PPP3CA: variants seen among roughly 807,000 people sequenced by gnomAD.
PPP3CA encodes the protein CAM-PRP catalytic subunit.
In PPP3CA, 14 loss-of-function variants were observed where a neutral mutation model predicts 66.5. The observed-to-expected ratio is 0.21, with a 90% CI of 0.14 to 0.33. The LOEUF (loss-of-function observed/expected upper bound fraction) is 0.33, where lower values mean the gene tolerates loss of function less well. PPP3CA is among the 10% of genes least tolerant of loss of function. PPP3CA has a pLI of 1.00. For synonymous variants in PPP3CA, 232 were observed against 226.2 expected (o/e 1.03, Z -0.23); for missense variants, 317 against 639.5 (o/e 0.50, Z 5.44).
At chr4:101,033,102 T>C (rs979870884) in intron 11 of PPP3CA, among the ~76,000 whole-genome samples, 3 of 152,272 alleles carry the variant, frequency 2.0e-5, no homozygotes, top group African/African-American at 7.2e-5. Context: ...ATTAATCATT[T>C]TGAATTGTTA....
Position 101,285,151 on chromosome 4 carries a change from C to T in PPP3CA, c.58+61588G>A, listed in dbSNP as rs182877081. On this transcript the variant is annotated intron_variant, in intron 1 of 13. Transcript: ENST00000394854. ...CACCTCAATGCACTAAAATCTGTAA[C>T]GTCCACACAGCACCGAGATTTTACA... Among the ~76,000 whole-genome samples the T allele has an allele frequency of 3.1e-3, 473 of 152,152 alleles. 4 individuals are homozygous for T. Among genetic ancestry groups the T allele is most frequent in the African/African-American group, 0.011 (442 of 41,512 alleles).
chr4:101,137,261 A>AT (rs1722652414), intron 2 of PPP3CA, among the ~76,000 whole-genome samples: 2 of 152,162 alleles, frequency 1.3e-5, no homozygotes, highest in African/African-American at 4.8e-5. Flanking sequence ...AGATTGCTAA[A>AT]TTACTTTCCA....
rs1322279728 is a variant in PPP3CA, at chr4:101,346,678, G to A, written c.58+61C>T. On this transcript the variant is annotated intron_variant, in intron 1 of 13. Coordinates refer to ENST00000394854, the MANE Select transcript of PPP3CA (RefSeq NM_000944.5). Reference sequence around the variant, plus strand: ...GGGAGGGGAGGAAAGGCGAGGCGAGGCAAGCTGCCCTGGCGCCTGCGGCAC... The same window carrying A: ...GGGAGGGGAGGAAAGGCGAGGCGAGACAAGCTGCCCTGGCGCCTGCGGCAC... The A allele has an allele frequency of 9.5e-6, 14 of 1,467,758 alleles. No homozygotes were observed. The African/African-American group carries it at 1.7e-4, about 18-fold the overall frequency. 90.9% of individuals were successfully genotyped at this position (1,467,758 alleles called of 1,614,324 possible).
intron 2 of PPP3CA, among the ~76,000 whole-genome samples, chr4:101,167,040 A>C (rs1329099205): frequency 6.6e-6 from 1 of 152,216 alleles, no homozygotes. Context: ...ACAGGTGAGA[A>C]ATGATTTGCC....
chr4:101,111,057 C>T lies in PPP3CA; in HGVS notation c.260-1979G>A, dbSNP rs898211916. Among the ~76,000 whole-genome samples the T allele has an allele frequency of 1.2e-4, 19 of 152,244 alleles. 1 individual carries two copies. The highest frequency in any genetic ancestry group is 9.8e-4 in the Admixed American group (15 of 15,286). ...GGCAAGGATAAAGCTTATTAGCTAA[C>T]AAGTAATAATATAATTACTCTTCTA... is the stretch of plus-strand genomic sequence containing the variant. On this transcript the variant is annotated intron_variant, in intron 2 of 13. Transcript: ENST00000394854.
chr4:101,211,673 G>C (rs1162496383), intron 1 of PPP3CA, among the ~76,000 whole-genome samples: 1 of 152,088 alleles, frequency 6.6e-6, no homozygotes, highest in East Asian at 1.9e-4. Flanking sequence ...TGAACACTGA[G>C]CTTGGGTTCT....
At chr4:101,090,476 C>T (rs1312623553) in intron 6 of PPP3CA, among the ~76,000 whole-genome samples, 2 of 151,588 alleles carry the variant, frequency 1.3e-5, no homozygotes, top group Non-Finnish European at 1.5e-5. Context: ...AACCCCGTCT[C>T]TACTAAAAAT....
intron 10 of PPP3CA, among the ~76,000 whole-genome samples, chr4:101,051,679 A>T (rs954700199): frequency 6.6e-6 from 1 of 152,126 alleles, no homozygotes; most frequent in Admixed American, 6.6e-5. Flanking sequence ...ATGCCTTTCA[A>T]ATAAAGAATG....
chr4:101,324,050 T>G (rs1479730458), intron 1 of PPP3CA, among the ~76,000 whole-genome samples: 1 of 151,146 alleles, frequency 6.6e-6, no homozygotes, highest in Admixed American at 6.6e-5. Context: ...GAGGCAGAGG[T>G]TGCAGTGAGA....
rs890149349 is a variant in PPP3CA, at chr4:101,023,771, T to A, written c.*2094A>T. Reference sequence around the variant, plus strand: ...TGCTATATCGCTAATTGCCATATTCTTATTATTTAATATAACAGGCATACT... The same window carrying A: ...TGCTATATCGCTAATTGCCATATTCATATTATTTAATATAACAGGCATACT... On this transcript the variant is annotated 3_prime_UTR_variant, in exon 14 of 14. Transcript: ENST00000394854. 2 of 152,650 alleles carry A rather than the reference T, an allele frequency of 1.3e-5. No homozygotes were observed. Among genetic ancestry groups the A allele is most frequent in the African/African-American group, 4.8e-5 (2 of 41,458 alleles). The allele number at this position is 152,650 out of a possible 1,614,324, so 9.5% of individuals were successfully genotyped here. A position where few individuals can be genotyped will look rare whatever the true frequency, so the allele number is the denominator to read the frequency against.
At chr4:101,289,878 G>A (rs951357582) in intron 1 of PPP3CA, among the ~76,000 whole-genome samples, 10 of 136,652 alleles carry the variant, frequency 7.3e-5, no homozygotes, top group Non-Finnish European at 1.4e-4. Flanking sequence ...GTATGTGTGT[G>A]TGTGTGTGTG....
chr4:101,263,703 A>G (rs567132957), intron 1 of PPP3CA, among the ~76,000 whole-genome samples: 1 of 152,144 alleles, frequency 6.6e-6, no homozygotes, highest in African/African-American at 2.4e-5. Context: ...CACTAGAAGC[A>G]TCTCTCCAGA....
rs149286039 is a variant in PPP3CA, at chr4:101,298,710, T to C, written c.58+48029A>G. ...ACACAGTATATGTTAATTAACTTTATGTTATCCATCAGGCTTCCAGCCAAC... is the reference window on the plus strand; with the variant it reads ...ACACAGTATATGTTAATTAACTTTACGTTATCCATCAGGCTTCCAGCCAAC... On this transcript the variant is annotated intron_variant, in intron 1 of 13. Transcript: ENST00000394854. Among the ~76,000 whole-genome samples, 827 of 152,322 alleles carry C rather than the reference T, an allele frequency of 5.4e-3. 4 individuals carry two copies. Among genetic ancestry groups the C allele is most frequent in the Non-Finnish European group, 9.3e-3 (634 of 68,036 alleles).
intron 1 of PPP3CA, among the ~76,000 whole-genome samples, chr4:101,323,536 T>A (rs1195686955): frequency 6.6e-6 from 1 of 152,208 alleles, no homozygotes; most frequent in Non-Finnish European, 1.5e-5. Flanking sequence ...CTTCTATCCC[T>A]GCTCAAATCA....
chr4:101,105,457 C>T (rs1311658438), intron 3 of PPP3CA, among the ~76,000 whole-genome samples: 1 of 150,986 alleles, frequency 6.6e-6, no homozygotes, highest in Admixed American at 6.6e-5. Context: ...AGCCACCACA[C>T]CCAGCAACAT....
chr4:101,131,071 T>TA (rs1201239380), intron 2 of PPP3CA, among the ~76,000 whole-genome samples: 7 of 151,984 alleles, frequency 4.6e-5, no homozygotes, highest in Admixed American at 3.3e-4. Context: ...ACCCCGTCTC[T>TA]ACTAAGAACG....
chr4:101,084,922 G>A (rs1291758990), intron 6 of PPP3CA, among the ~76,000 whole-genome samples: 1 of 152,138 alleles, frequency 6.6e-6, no homozygotes, highest in Non-Finnish European at 1.5e-5. Flanking sequence ...ATGGAAACAT[G>A]CCCATCTGGT....
At chr4:101,166,848 G>A (rs1723709899) in intron 2 of PPP3CA, among the ~76,000 whole-genome samples, 1 of 152,048 alleles carries the variant, frequency 6.6e-6, no homozygotes, top group African/African-American at 2.4e-5. Flanking sequence ...AGCTACTTTG[G>A]GTTCAAGCCA....
chr4:101,283,227 A>G (rs1727741575), intron 1 of PPP3CA, among the ~76,000 whole-genome samples: 1 of 152,222 alleles, frequency 6.6e-6, no homozygotes, highest in Non-Finnish European at 1.5e-5. Flanking sequence ...CTGGTCAACA[A>G]CATAGGTTCA....
Sources: allele counts gnomAD v4.1 joint callset (sites outside exome capture counted in the v4.1 genomes callset), GRCh38; gene constraint gnomAD v4.1.1; transcripts MANE v1.5; gene names NCBI Gene and HGNC (gene_info 2026-07-23, HGNC 2026-07-21).